Variants in TENM3 observed in about 807,000 individuals in gnomAD.
TENM3 encodes teneurin transmembrane protein 3.
In TENM3, 63 loss-of-function variants were observed where a neutral mutation model predicts 255.1. The ratio of observed to expected loss-of-function variants is 0.25; its 90% confidence interval spans 0.20 to 0.30. The LOEUF is 0.30. Ranked by LOEUF, TENM3 falls within the 10% of genes least tolerant of loss-of-function variation. TENM3 has a pLI of 1.00. For missense variants in TENM3, 2,929 were observed against 3,461.1 expected (o/e 0.85, Z 3.86); for synonymous variants, 1,306 against 1,322.3 (o/e 0.99, Z 0.27).
intron 24 of TENM3, among the ~76,000 whole-genome samples, chr4:182,785,102 G>A (rs1471794216): frequency 6.7e-6 from 1 of 150,258 alleles, no homozygotes; most frequent in Non-Finnish European, 1.5e-5. Context: ...CTTGAGACAG[G>A]GTCTTGCTGG....
the TENM3 span, among the ~76,000 whole-genome samples, chr4:181,903,161 C>T: frequency 6.6e-6 from 1 of 152,016 alleles, no homozygotes; most frequent in Admixed American, 6.6e-5. Flanking sequence ...ACCACACTCT[C>T]TTAAGGAAGC....
the TENM3 span, among the ~76,000 whole-genome samples, chr4:181,477,551 T>G: frequency 2.6e-5 from 4 of 152,166 alleles, no homozygotes; most frequent in African/African-American, 9.7e-5. Flanking sequence ...CATGTCTACC[T>G]AAATGATTTT....
the TENM3 span, among the ~76,000 whole-genome samples, chr4:181,776,578 G>A: frequency 6.6e-6 from 1 of 151,946 alleles, no homozygotes; most frequent in Non-Finnish European, 1.5e-5. Context: ...ATCCTTGCCA[G>A]CATCTGTTAT....
chr4:181,569,792 G>C, the TENM3 span, among the ~76,000 whole-genome samples: 1 of 152,102 alleles, frequency 6.6e-6, no homozygotes, highest in Non-Finnish European at 1.5e-5. Context: ...AAAGAACCAG[G>C]CTCCAGAACT....
chr4:181,760,398 C>A, the TENM3 span, among the ~76,000 whole-genome samples: 1 of 152,132 alleles, frequency 6.6e-6, no homozygotes, highest in Non-Finnish European at 1.5e-5. Context: ...CCCTAATTCC[C>A]TTTATTTGCA....
At chr4:182,477,317 G>A (rs906890192) in intron 3 of TENM3, among the ~76,000 whole-genome samples, 9 of 152,114 alleles carry the variant, frequency 5.9e-5, no homozygotes, top group African/African-American at 4.8e-5. Context: ...AGTTTTACCC[G>A]GAAGGAAGTG....
At chr4:182,574,806 C>T (rs1744762847) in intron 3 of TENM3, among the ~76,000 whole-genome samples, 1 of 152,028 alleles carries the variant, frequency 6.6e-6, no homozygotes, top group Non-Finnish European at 1.5e-5. Flanking sequence ...TTTTACAATG[C>T]AATTGCGGAT....
the TENM3 span, among the ~76,000 whole-genome samples, chr4:181,939,460 G>T: frequency 1.3e-5 from 2 of 152,236 alleles, no homozygotes; most frequent in Admixed American, 6.5e-5. Flanking sequence ...CAGAGAAAGA[G>T]CTGTGGCTGT....
At chr4:181,508,892 CTTT>C in the TENM3 span, among the ~76,000 whole-genome samples, 5 of 53,814 alleles carry the variant, frequency 9.3e-5, no homozygotes, top group Admixed American at 2.6e-4. Context: ...ATTTCCAACA[CTTT>C]TTTTTTTTTT....
the TENM3 span, among the ~76,000 whole-genome samples, chr4:182,043,153 C>A: frequency 7.2e-4 from 109 of 152,142 alleles, no homozygotes; most frequent in African/African-American, 2.5e-3. Context: ...AGCATTCCTG[C>A]GTGCACACAT....
At chr4:182,220,603 G>A (rs1009407437) in intron 1 of TENM3, among the ~76,000 whole-genome samples, 2 of 152,066 alleles carry the variant, frequency 1.3e-5, no homozygotes, top group African/African-American at 2.4e-5. Flanking sequence ...AGGAAACTGC[G>A]CAGAGAAGGT....
At chr4:182,544,669 T>C (rs1189947847) in intron 3 of TENM3, among the ~76,000 whole-genome samples, 4 of 152,130 alleles carry the variant, frequency 2.6e-5, no homozygotes, top group Non-Finnish European at 4.4e-5. Context: ...AAATAAAAGT[T>C]GTGTTGCTCA....
the TENM3 span, among the ~76,000 whole-genome samples, chr4:181,498,642 A>G: frequency 6.6e-6 from 1 of 152,192 alleles, no homozygotes; most frequent in African/African-American, 2.4e-5. Context: ...CACGTCTAAT[A>G]GGATGCAGTT....
At chr4:181,538,967 T>A in the TENM3 span, among the ~76,000 whole-genome samples, 2 of 152,224 alleles carry the variant, frequency 1.3e-5, no homozygotes, top group Non-Finnish European at 2.9e-5. Context: ...AAAAAGTAAG[T>A]AGTAACTAAA....
chr4:181,630,039 T>C, the TENM3 span, among the ~76,000 whole-genome samples: 5 of 152,216 alleles, frequency 3.3e-5, no homozygotes, highest in Non-Finnish European at 5.9e-5. Context: ...TATTCAGAGA[T>C]TCAACTTCTT....
chr4:181,586,232 C>T, the TENM3 span, among the ~76,000 whole-genome samples: 7 of 152,266 alleles, frequency 4.6e-5, no homozygotes, highest in Non-Finnish European at 8.8e-5. Flanking sequence ...TGGTATGTGT[C>T]GGTTCTCACG....
chr4:182,787,819 G>C (rs1238565597), intron 24 of TENM3, among the ~76,000 whole-genome samples: 7 of 151,262 alleles, frequency 4.6e-5, no homozygotes, highest in African/African-American at 1.5e-4. Context: ...AGCTCTCTGG[G>C]TGCTTCCCAC....
At chr4:182,106,229 A>T in the TENM3 span, among the ~76,000 whole-genome samples, 1 of 152,192 alleles carries the variant, frequency 6.6e-6, no homozygotes, top group Admixed American at 6.5e-5. Flanking sequence ...TGGGAGGCTG[A>T]GGTGGGTGGA....
chr4:182,362,383 AG>A (rs1766072935), intron 3 of TENM3, among the ~76,000 whole-genome samples: 2 of 134,076 alleles, frequency 1.5e-5, no homozygotes, highest in Non-Finnish European at 3.2e-5. Context: ...CCAGTTGGAG[AG>A]CTTCCCGGCT....
Sources: allele counts gnomAD v4.1 joint callset (sites outside exome capture counted in the v4.1 genomes callset), GRCh38; gene constraint gnomAD v4.1.1; transcripts MANE v1.5; gene names NCBI Gene and HGNC (gene_info 2026-07-23, HGNC 2026-07-21).